Variants in SLC35D4 observed in about 807,000 individuals in gnomAD.
SLC35D4 encodes solute carrier family 35 member D4, also known as UDP-N-acetylglucosamine transporter SLC35D4.
the SLC35D4 span, chr18:23,331,557 C>A: frequency 1.3e-5 from 2 of 152,388 alleles, no homozygotes; most frequent in African/African-American, 2.4e-5. Flanking sequence ...ACAGCATCCA[C>A]ATCCGATTTT....
the SLC35D4 span, among the ~76,000 whole-genome samples, chr18:23,378,168 G>C: frequency 6.6e-6 from 1 of 151,398 alleles, no homozygotes; most frequent in African/African-American, 2.4e-5. Flanking sequence ...ACAGGCATGA[G>C]CCACCATGTA....
chr18:23,418,916 G>A, the SLC35D4 span, among the ~76,000 whole-genome samples: 3 of 151,828 alleles, frequency 2.0e-5, no homozygotes, highest in African/African-American at 7.3e-5. Context: ...GCTGAGGCAG[G>A]AGAATGGCAT....
the SLC35D4 span, chr18:23,257,588 T>A: frequency 2.1e-6 from 1 of 486,056 alleles, no homozygotes; most frequent in Non-Finnish European, 3.5e-6. Context: ...GAAGAGGAGG[T>A]GTGTGCTGAG....
chr18:23,421,362 T>TA, the SLC35D4 span: 1 of 1,613,366 alleles, frequency 6.2e-7, no homozygotes, highest in Non-Finnish European at 8.5e-7. Context: ...ATAGAGAGGT[T>TA]ATACCTTGAA....
At chr18:23,251,238 A>G in the SLC35D4 span, among the ~76,000 whole-genome samples, 30 of 152,334 alleles carry the variant, frequency 2.0e-4, no homozygotes, top group African/African-American at 6.7e-4. Context: ...GGATCACCTG[A>G]AGTCAGGAGT....
At chr18:23,350,232 AT>A in the SLC35D4 span, among the ~76,000 whole-genome samples, 1 of 152,146 alleles carries the variant, frequency 6.6e-6, no homozygotes, top group African/African-American at 2.4e-5. Flanking sequence ...ACAGCTGCTG[AT>A]GTCTTTACTC....
chr18:23,363,430 A>G, the SLC35D4 span, among the ~76,000 whole-genome samples: 1 of 115,834 alleles, frequency 8.6e-6, no homozygotes, highest in East Asian at 2.9e-4. Context: ...GCTGGAGTGC[A>G]GTGAGGCGAT....
chr18:23,394,413 G>A, the SLC35D4 span, among the ~76,000 whole-genome samples: 1 of 152,062 alleles, frequency 6.6e-6, no homozygotes, highest in Non-Finnish European at 1.5e-5. Context: ...GTTTGCTTTT[G>A]TTCTATTAAG....
At chr18:23,369,881 A>G in the SLC35D4 span, among the ~76,000 whole-genome samples, 1 of 152,100 alleles carries the variant, frequency 6.6e-6, no homozygotes, top group African/African-American at 2.4e-5. Flanking sequence ...AGCTCACCAA[A>G]CATTAAGAGT....
the SLC35D4 span, among the ~76,000 whole-genome samples, chr18:23,274,310 A>C: frequency 6.6e-6 from 1 of 152,234 alleles, no homozygotes; most frequent in Non-Finnish European, 1.5e-5. Flanking sequence ...CCACGTGCCC[A>C]GGCTGCTGAG....
the SLC35D4 span, among the ~76,000 whole-genome samples, chr18:23,392,356 C>T: frequency 1.3e-5 from 2 of 152,182 alleles, no homozygotes; most frequent in African/African-American, 4.8e-5. Context: ...TCTGAATATG[C>T]ATATGTGCAC....
the SLC35D4 span, among the ~76,000 whole-genome samples, chr18:23,366,614 C>T: frequency 6.6e-6 from 1 of 152,192 alleles, no homozygotes; most frequent in Non-Finnish European, 1.5e-5. Context: ...GATTGGGAAC[C>T]ACCACAAGGA....
At chr18:23,256,484 TTTTA>T in the SLC35D4 span, among the ~76,000 whole-genome samples, 1 of 152,164 alleles carries the variant, frequency 6.6e-6, no homozygotes, top group Non-Finnish European at 1.5e-5. Context: ...GCTTTATTAT[TTTTA>T]TTTATTTTTT....
At chr18:23,253,887 C>T in the SLC35D4 span, 1 of 1,614,128 alleles carries the variant, frequency 6.2e-7, no homozygotes, top group Non-Finnish European at 8.5e-7. Context: ...CTGTTAGCAG[C>T]CAAAATTGGA....
chr18:23,354,871 C>T, the SLC35D4 span, among the ~76,000 whole-genome samples: 1 of 151,186 alleles, frequency 6.6e-6, no homozygotes, highest in East Asian at 1.9e-4. Context: ...TTACATTACT[C>T]ATGGATCTCT....
chr18:23,253,112 C>T, the SLC35D4 span: 2 of 1,030,256 alleles, frequency 1.9e-6, no homozygotes, highest in African/African-American at 3.1e-5. Context: ...GCAAACCCCT[C>T]TTTCCACACA....
the SLC35D4 span, among the ~76,000 whole-genome samples, chr18:23,383,921 C>CT: frequency 6.1e-5 from 9 of 147,654 alleles, no homozygotes; most frequent in Non-Finnish European, 1.2e-4. Context: ...TGGTCATGGC[C>CT]TCCTTTCCTG....
chr18:23,380,539 T>C, the SLC35D4 span, among the ~76,000 whole-genome samples: 1 of 152,128 alleles, frequency 6.6e-6, no homozygotes, highest in Non-Finnish European at 1.5e-5. Context: ...ACCCATACCC[T>C]GTGCCAGCCC....
the SLC35D4 span, among the ~76,000 whole-genome samples, chr18:23,287,838 C>T: frequency 6.6e-6 from 1 of 152,172 alleles, no homozygotes; most frequent in African/African-American, 2.4e-5. Flanking sequence ...GGACCGGGGT[C>T]GCGTCCTGTA....
Sources: allele counts gnomAD v4.1 joint callset (sites outside exome capture counted in the v4.1 genomes callset), GRCh38; gene constraint gnomAD v4.1.1; transcripts MANE v1.5; gene names NCBI Gene and HGNC (gene_info 2026-07-23, HGNC 2026-07-21).